The following NBEAL1 variants were observed in gnomAD, a reference collection of about 807,000 sequenced individuals.
The protein encoded by NBEAL1 is neurobeachin-like protein 1.
In NBEAL1, 273 loss-of-function variants were observed where a neutral mutation model predicts 351.3. That is an observed-to-expected ratio of 0.78 (90% CI 0.70 to 0.86). NBEAL1 has a LOEUF of 0.86. Among genes scored for constraint, NBEAL1 ranks in the 40% least tolerant of loss-of-function variants. NBEAL1 has a pLI of 0.00. For missense variants in NBEAL1, 2,961 were observed against 3,201.3 expected (o/e 0.92, Z 1.81); for synonymous variants, 1,050 against 1,086.4 (o/e 0.97, Z 0.66).
rs573327413 is a variant in NBEAL1 at position 203,057,592 on chromosome 2, A to G, written c.515+139A>G. Reference sequence around the variant, plus strand: ...AGATTTAACTCTGAGCTAGAGAAATATGTTGGAGGGAATGAATTAGTGATA... The same window carrying G: ...AGATTTAACTCTGAGCTAGAGAAATGTGTTGGAGGGAATGAATTAGTGATA... On this transcript the variant is annotated intron_variant, in intron 6 of 55. Coordinates refer to ENST00000683969, the MANE Select transcript of NBEAL1 (RefSeq NM_001378026.1). 1.9e-5 allele frequency: 12 copies of G among 643,782 alleles called. No individual in the cohort carries two copies. The African/African-American group carries it at 2.2e-4, about 12-fold the overall frequency. The allele number at this position is 643,782 out of a possible 1,614,324, so 39.9% of individuals were successfully genotyped here. A position where few individuals can be genotyped will look rare whatever the true frequency, so the allele number is the denominator to read the frequency against.
intron 33 of NBEAL1, among the ~76,000 whole-genome samples, chr2:203,148,118 T>C (rs1011289923): frequency 6.6e-6 from 1 of 151,926 alleles, no homozygotes; most frequent in African/African-American, 2.4e-5. Flanking sequence ...TAATAATAGT[T>C]AACAATAACA....
In NBEAL1 at chr2:203,032,529, G is replaced by A. The variant is rs1279299731; in HGVS notation, c.52-9236G>A. Among the ~76,000 whole-genome samples the A allele has an allele frequency of 4.0e-5, 6 of 151,302 alleles. No individual in the cohort carries two copies. The East Asian group carries it at 5.9e-4, about 15-fold the overall frequency. On this transcript the variant is annotated intron_variant, in intron 2 of 55. Coordinates refer to ENST00000683969, the MANE Select transcript of NBEAL1 (RefSeq NM_001378026.1). ...AAAAAGATTAGCCGGGCGTGGTGTCGGGCACCTGTAGTCCCAGCTACTTGG... is the reference window on the plus strand; with the variant it reads ...AAAAAGATTAGCCGGGCGTGGTGTCAGGCACCTGTAGTCCCAGCTACTTGG...
intron 12 of NBEAL1, among the ~76,000 whole-genome samples, chr2:203,102,102 T>C (rs2062338968): frequency 6.6e-6 from 1 of 152,224 alleles, no homozygotes; most frequent in South Asian, 2.1e-4. Flanking sequence ...TTGATTTGGC[T>C]CTTAGCTTGG....
At chr2:203,187,745 A>C (rs545748783) in intron 44 of NBEAL1, among the ~76,000 whole-genome samples, 2 of 71,806 alleles carry the variant, frequency 2.8e-5, no homozygotes, top group South Asian at 4.6e-4. Context: ...ACTTCGTCCC[A>C]AAAAAAAAAA....
rs2106109187 is a variant in NBEAL1 at position 203,062,272 on chromosome 2, T to C, written c.515+4819T>C. The C allele has an allele frequency of 2.2e-6, 1 of 464,302 alleles. No homozygotes were observed. Among genetic ancestry groups the C allele is most frequent in the Non-Finnish European group, 4.3e-6 (1 of 230,720 alleles). The allele number at this position is 464,302 out of a possible 1,614,324, so 28.8% of individuals were successfully genotyped here. ...AACATTCTGGTCTTCCCATTTGTTT[T>C]CTGTAGAAGCCAAATTCCTGAAGGT... On this transcript the variant is annotated intron_variant, in intron 6 of 55. Transcript: ENST00000683969. The surrounding 1 kb of genome is among the most constrained non-coding windows in gnomAD (Gnocchi z 4.2).
At chr2:203,163,557 G>A (rs2064034108) in intron 36 of NBEAL1, among the ~76,000 whole-genome samples, 1 of 152,082 alleles carries the variant, frequency 6.6e-6, no homozygotes, top group Non-Finnish European at 1.5e-5. Context: ...AATTCTCTGT[G>A]TTCTTCCCAA....
chr2:203,138,051 T>A (rs944934720), intron 29 of NBEAL1, 111 bp from the exon 30 acceptor site: 39 of 940,018 alleles, frequency 4.1e-5, no homozygotes, highest in Non-Finnish European at 5.7e-5. Context: ...CTAGAGATAG[T>A]ATATCTTTAG....
At chr2:203,212,053 A>T (rs2065803118) in intron 54 of NBEAL1, among the ~76,000 whole-genome samples, 1 of 151,782 alleles carries the variant, frequency 6.6e-6, no homozygotes. Context: ...TGCCCAGCTA[A>T]TTTTTGTATT....
At chr2:203,079,033 A>G (rs2061826972) in intron 8 of NBEAL1, among the ~76,000 whole-genome samples, 1 of 152,178 alleles carries the variant, frequency 6.6e-6, no homozygotes, top group South Asian at 2.1e-4. Flanking sequence ...GAAAATGCAT[A>G]TGATTTTTAC....
At chr2:203,072,835 C>T (rs1172966174) in intron 7 of NBEAL1, among the ~76,000 whole-genome samples, 1 of 152,138 alleles carries the variant, frequency 6.6e-6, no homozygotes, top group Non-Finnish European at 1.5e-5. Context: ...ATTCTTAGGT[C>T]TTTGTTGTAG....
intron 36 of NBEAL1, among the ~76,000 whole-genome samples, chr2:203,161,284 G>A (rs1169913637): frequency 1.4e-4 from 19 of 136,062 alleles, no homozygotes; most frequent in African/African-American, 4.8e-4. Flanking sequence ...CCGAGATTGC[G>A]CCACTGCACT....
chr2:203,120,194 G>T (rs894587497), intron 18 of NBEAL1, among the ~76,000 whole-genome samples: 1 of 152,064 alleles, frequency 6.6e-6, no homozygotes, highest in Admixed American at 6.6e-5. Context: ...AGTATTTCAC[G>T]TGTATTGTTT....
intron 7 of NBEAL1, among the ~76,000 whole-genome samples, chr2:203,069,205 CTT>C (rs1278605660): frequency 6.6e-6 from 1 of 152,190 alleles, no homozygotes; most frequent in East Asian, 1.9e-4. Context: ...AAATTTGTAA[CTT>C]AACATTTTGC....
chr2:203,171,381 C>T (rs2064314193), intron 39 of NBEAL1, among the ~76,000 whole-genome samples: 1 of 151,900 alleles, frequency 6.6e-6, no homozygotes, highest in Non-Finnish European at 1.5e-5. Flanking sequence ...AAGCCAGGAG[C>T]ATCACTTGAG....
At chr2:203,214,711 G>T (rs1259214206) in intron 55 of NBEAL1, among the ~76,000 whole-genome samples, 1 of 152,174 alleles carries the variant, frequency 6.6e-6, no homozygotes, top group African/African-American at 2.4e-5. Context: ...GGAATTGGAG[G>T]TTGCAGTGAG....
chr2:203,213,673 A>G lies in NBEAL1; in HGVS notation c.8070+20A>G. 1 of 1,613,262 alleles carries G rather than the reference A, an allele frequency of 6.2e-7. No individual in the cohort carries two copies. Among genetic ancestry groups the G allele is most frequent in the Non-Finnish European group, 8.5e-7 (1 of 1,179,766 alleles). ...GCTGAGGTAAAACCTAGCATCAGTA[A>G]TTTCATTTCTCATGCTGTTGGGGAT... is the stretch of plus-strand genomic sequence containing the variant. On this transcript the variant is annotated intron_variant, in intron 55 of 55. Coordinates refer to ENST00000683969, the MANE Select transcript of NBEAL1 (RefSeq NM_001378026.1).
chr2:203,119,638 C>T (rs778453682), intron 18 of NBEAL1, among the ~76,000 whole-genome samples: 3 of 151,852 alleles, frequency 2.0e-5, no homozygotes, highest in Non-Finnish European at 4.4e-5. Context: ...GATGGTCAGG[C>T]TAGTCTCGAA....
At chr2:203,101,541 C>T (rs1382967049) in intron 12 of NBEAL1, among the ~76,000 whole-genome samples, 6 of 152,072 alleles carry the variant, frequency 3.9e-5, no homozygotes, top group Non-Finnish European at 7.3e-5. Flanking sequence ...TGAAGAATGC[C>T]ACTGGTAGTT....
At chr2:203,190,713 G>A (rs1262403376) in intron 46 of NBEAL1, 2 of 1,579,190 alleles carry the variant, frequency 1.3e-6, no homozygotes, top group East Asian at 2.3e-5. Flanking sequence ...CGGCTCGGAG[G>A]AGGCCAAGGT....
Sources: gnomAD v4.1 joint callset for allele counts (sites outside exome capture counted in the v4.1 genomes callset) on GRCh38, gnomAD v4.1.1 for gene constraint, Gnocchi (gnomAD v3.1) non-coding constraint, MANE v1.5 for transcripts, NCBI Gene and HGNC (gene_info 2026-07-23, HGNC 2026-07-21) for gene names.